The following GRIA1 variants were observed in gnomAD, a reference collection of about 807,000 sequenced individuals.
GRIA1 encodes the protein glutamate receptor 1.
GRIA1 carries 31 observed loss-of-function variants against 99.2 expected under a neutral mutation model. The observed-to-expected ratio is 0.31, with a 90% CI of 0.23 to 0.42. The LOEUF (loss-of-function observed/expected upper bound fraction) is 0.42, where lower values mean the gene tolerates loss of function less well. Ranked by LOEUF, GRIA1 falls within the 10% of genes least tolerant of loss-of-function variation. GRIA1 has a pLI of 1.00. For missense variants in GRIA1, 782 were observed against 1,157.5 expected (o/e 0.68, Z 4.71); for synonymous variants, 438 against 432.4 (o/e 1.01, Z -0.16).
intron 11 of GRIA1, among the ~76,000 whole-genome samples, chr5:153,721,299 A>G (rs1760050726): frequency 6.6e-6 from 1 of 152,236 alleles, no homozygotes; most frequent in Admixed American, 6.5e-5. Flanking sequence ...AGGTATAGAT[A>G]GGAGTGAAGT....
At chr5:153,805,446 A>C (rs1766362825) in intron 15 of GRIA1, among the ~76,000 whole-genome samples, 1 of 152,066 alleles carries the variant, frequency 6.6e-6, no homozygotes, top group Non-Finnish European at 1.5e-5. Flanking sequence ...AGCTGCTCTT[A>C]GTTAAAGCAA....
chr5:153,513,787 C>G (rs913502750), intron 2 of GRIA1, among the ~76,000 whole-genome samples: 31 of 152,036 alleles, frequency 2.0e-4, no homozygotes, highest in Non-Finnish European at 3.1e-4. Flanking sequence ...TCCTCAGCCA[C>G]TTTACACCTG....
chr5:153,600,391 C>CAAAA lies in GRIA1; in HGVS notation c.221-46515_221-46512dup, dbSNP rs57395601. Reference sequence around the variant, plus strand: ...TGGGCGACAGAGCGAGACTCCATCTCAAAAAAAAAAAAAAAAAAAAAAAAA... The same window carrying CAAAA: ...TGGGCGACAGAGCGAGACTCCATCTCAAAAAAAAAAAAAAAAAAAAAAAAAAAAA... On this transcript the variant is annotated intron_variant, in intron 2 of 15. Transcript: ENST00000285900. 3.2e-3 allele frequency among the ~76,000 whole-genome samples: 163 copies of CAAAA among 51,442 alleles called. 4 individuals carry two copies. The highest frequency in any genetic ancestry group is 4.1e-3 in the East Asian group (5 of 1,216). The allele number at this position is 51,442 out of a possible 152,430, so 33.7% of individuals were successfully genotyped here.
chr5:153,700,924 G>A (rs1251990710), intron 10 of GRIA1, among the ~76,000 whole-genome samples: 1 of 152,170 alleles, frequency 6.6e-6, no homozygotes, highest in Non-Finnish European at 1.5e-5. Context: ...TGGGGAATGG[G>A]ATGTGCTTCT....
At chr5:153,566,221 C>T (rs1186536028) in intron 2 of GRIA1, among the ~76,000 whole-genome samples, 4 of 149,422 alleles carry the variant, frequency 2.7e-5, no homozygotes, top group African/African-American at 9.9e-5. Context: ...TTTGTAACGA[C>T]TGATGGGTGT....
At chr5:153,638,503 T>C (rs1753551671) in intron 2 of GRIA1, among the ~76,000 whole-genome samples, 1 of 152,220 alleles carries the variant, frequency 6.6e-6, no homozygotes, top group African/African-American at 2.4e-5. Context: ...CTTAGTAACG[T>C]GGATAGTTGT....
At chr5:153,500,640 C>CACAT (rs1754922871) in intron 2 of GRIA1, among the ~76,000 whole-genome samples, 2 of 148,932 alleles carry the variant, frequency 1.3e-5, no homozygotes, top group South Asian at 4.2e-4. Flanking sequence ...CACACACACA[C>CACAT]ACACACACAC....
chr5:153,789,692 C>T (rs1169007789), intron 13 of GRIA1, among the ~76,000 whole-genome samples: 1 of 152,122 alleles, frequency 6.6e-6, no homozygotes, highest in Non-Finnish European at 1.5e-5. Context: ...TAAGTTAGAG[C>T]TAACGAGTAT....
intron 13 of GRIA1, among the ~76,000 whole-genome samples, chr5:153,776,812 G>A (rs1229928678): frequency 6.6e-6 from 1 of 152,148 alleles, no homozygotes; most frequent in African/African-American, 2.4e-5. Flanking sequence ...TCACTTTCAG[G>A]GACTGAGGGT....
chr5:153,512,624 G>C (rs919224852), intron 2 of GRIA1, among the ~76,000 whole-genome samples: 13 of 152,182 alleles, frequency 8.5e-5, no homozygotes, highest in African/African-American at 3.1e-4. Context: ...CAACATGGCT[G>C]TTAGAAACCT....
chr5:153,657,996 G>A (rs150159496), intron 5 of GRIA1, among the ~76,000 whole-genome samples: 14 of 152,166 alleles, frequency 9.2e-5, no homozygotes, highest in Middle Eastern at 3.4e-3. Flanking sequence ...GTGCTAGAGC[G>A]GACTTAGGAA....
intron 11 of GRIA1, among the ~76,000 whole-genome samples, chr5:153,716,747 A>G (rs914272659): frequency 2.0e-5 from 3 of 152,210 alleles, no homozygotes; most frequent in African/African-American, 7.2e-5. Context: ...TGTTAACTGT[A>G]GCACTTTAAG....
At chr5:153,800,098 C>A (rs1002341127) in intron 14 of GRIA1, among the ~76,000 whole-genome samples, 2 of 152,176 alleles carry the variant, frequency 1.3e-5, no homozygotes, top group African/African-American at 4.8e-5. Flanking sequence ...GCAAGGTGTG[C>A]TTTGGCTATT....
intron 2 of GRIA1, among the ~76,000 whole-genome samples, chr5:153,641,558 C>G (rs192466792): frequency 6.6e-6 from 1 of 152,162 alleles, no homozygotes; most frequent in Non-Finnish European, 1.5e-5. Context: ...TTGTTGGACA[C>G]GCTCTGCTAC....
chr5:153,806,149 C>T (rs1766410101), intron 15 of GRIA1, among the ~76,000 whole-genome samples: 1 of 152,216 alleles, frequency 6.6e-6, no homozygotes, highest in Admixed American at 6.5e-5. Flanking sequence ...AGTGCAGCCC[C>T]CAACCTTACA....
chr5:153,782,229 G>C (rs1764681620), intron 13 of GRIA1, among the ~76,000 whole-genome samples: 1 of 152,178 alleles, frequency 6.6e-6, no homozygotes, highest in African/African-American at 2.4e-5. Context: ...GGCACAGAGA[G>C]ACTAATTAAC....
chr5:153,677,066 A>C lies in GRIA1; in HGVS notation c.934A>C (p.Ile312Leu). 6.3e-7 allele frequency: 1 copy of C among 1,585,490 alleles called. No homozygotes were observed. Among genetic ancestry groups the C allele is most frequent in the South Asian group, 1.2e-5 (1 of 86,772 alleles). ...EAFQSLRRQR[I>L]DISRRGNAGD... Reference sequence around the variant, plus strand: ...TTTCCAGAGCCTGCGGAGGCAGAGAATTGATATATCTCGCCGGGGGAATGC... The same window carrying C: ...TTTCCAGAGCCTGCGGAGGCAGAGACTTGATATATCTCGCCGGGGGAATGC... The change falls in exon 7 of 16, where the codon ATT becomes CTT. Residue 312 changes from isoleucine (I) to leucine (L), a missense_variant. Ile to Leu is a conservative substitution (Grantham distance 5). Coordinates refer to ENST00000285900, the MANE Select transcript of GRIA1 (RefSeq NM_000827.4).
chr5:153,515,869 G>A (rs940296144), intron 2 of GRIA1, among the ~76,000 whole-genome samples: 6 of 152,166 alleles, frequency 3.9e-5, no homozygotes, highest in African/African-American at 1.4e-4. Context: ...TAAGCATTAA[G>A]TGTCTGAAGG....
intron 11 of GRIA1, among the ~76,000 whole-genome samples, chr5:153,720,925 G>C (rs1760013877): frequency 6.6e-6 from 1 of 152,180 alleles, no homozygotes; most frequent in Non-Finnish European, 1.5e-5. Flanking sequence ...TAACACACAT[G>C]AAACAGTGAA....
Sources: allele counts gnomAD v4.1 joint callset (sites outside exome capture counted in the v4.1 genomes callset), GRCh38; gene constraint gnomAD v4.1.1; transcripts MANE v1.5; gene names NCBI Gene and HGNC (gene_info 2026-07-23, HGNC 2026-07-21).